The following PROKR1 variants were observed in gnomAD, a reference collection of about 807,000 sequenced individuals.
The protein encoded by PROKR1 is prokineticin receptor 1.
PROKR1 carries 21 observed loss-of-function variants against 22.8 expected under a neutral mutation model. The ratio of observed to expected loss-of-function variants is 0.92; its 90% CI spans 0.65 to 1.32. PROKR1 has a LOEUF of 1.32. PROKR1 is among the 40% of genes most tolerant of loss of function. PROKR1 has a pLI of 0.00. For synonymous variants in PROKR1, 193 were observed against 207.5 expected (o/e 0.93, Z 0.60); for missense variants, 548 against 514.2 (o/e 1.07, Z -0.64).
At chr2:68,645,281 A>G (rs1443368702) in intron 1 of PROKR1, among the ~76,000 whole-genome samples, 1 of 152,220 alleles carries the variant, frequency 6.6e-6, no homozygotes, top group Non-Finnish European at 1.5e-5. Context: ...TTTTAGAGCC[A>G]TGTTCTGCCA....
At position 68,655,667 on chromosome 2, in the gene PROKR1, T is replaced by C; in HGVS notation, c.*91T>C. On this transcript the variant is annotated 3_prime_UTR_variant, in exon 3 of 3. Transcript: ENST00000303786. ...ATGCACATCAACCTGGAACTTTTTGTTTGCTGCAGAGGGTAAAGTAAATGG... is the reference window on the plus strand; with the variant it reads ...ATGCACATCAACCTGGAACTTTTTGCTTGCTGCAGAGGGTAAAGTAAATGG... 2 of 1,297,662 alleles carry C rather than the reference T, an allele frequency of 1.5e-6. No individual in the cohort carries two copies. The highest frequency in any genetic ancestry group is 2.2e-6 in the Non-Finnish European group (2 of 921,510). 80.4% of individuals were successfully genotyped at this position (1,297,662 alleles called of 1,614,324 possible).
intron 1 of PROKR1, among the ~76,000 whole-genome samples, chr2:68,644,964 T>A (rs1433395262): frequency 6.6e-6 from 1 of 152,206 alleles, no homozygotes; most frequent in Non-Finnish European, 1.5e-5. Flanking sequence ...TTCTAGGGTG[T>A]AACACTCTCC....
Position 68,643,661 on chromosome 2 carries a change from C to G in PROKR1, c.-348C>G, listed in dbSNP as rs1411696250. The stretch of plus-strand genomic sequence containing the variant: ...CGGGGACAGGGAGTCCGGCGCGGGC[C>G]GGGTCGGGGGATCTGCAGCGGCGGC... On this transcript the variant is annotated 5_prime_UTR_variant, in exon 1 of 3. Coordinates refer to ENST00000303786, the MANE Select transcript of PROKR1 (RefSeq NM_138964.4). 6.6e-6 allele frequency: 1 copy of G among 152,298 alleles called. No homozygotes were observed. Among genetic ancestry groups the G allele is most frequent in the Non-Finnish European group, 1.5e-5 (1 of 68,098 alleles). The allele number at this position is 152,298 out of a possible 1,614,324, so 9.4% of individuals were successfully genotyped here. A position where few individuals can be genotyped will look rare whatever the true frequency, so the allele number is the denominator to read the frequency against.
At chr2:68,654,381 A>G (rs1673396542) in intron 2 of PROKR1, among the ~76,000 whole-genome samples, 1 of 152,222 alleles carries the variant, frequency 6.6e-6, no homozygotes, top group African/African-American at 2.4e-5. Flanking sequence ...ACAGCCAACA[A>G]TACTTGTGCA....
At chr2:68,647,792 C>G (rs1673222055) in intron 2 of PROKR1, among the ~76,000 whole-genome samples, 1 of 152,134 alleles carries the variant, frequency 6.6e-6, no homozygotes, top group African/African-American at 2.4e-5. Flanking sequence ...CAAATTCCCT[C>G]CACTGAATCA....
In PROKR1 at chr2:68,657,297, T is replaced by A. The variant is rs774051505; in HGVS notation, c.*1721T>A. ...GTGCGCCTGGACAAGAAAAACCTCT[T>A]ACTTTGGCTTGTGTATCCAGAAACC... is the stretch of plus-strand genomic sequence containing the variant. On this transcript the variant is annotated 3_prime_UTR_variant, in exon 3 of 3. Transcript: ENST00000303786. 6.6e-6 allele frequency: 1 copy of A among 152,238 alleles called. No homozygotes were observed. The highest frequency in any genetic ancestry group is 1.5e-5 in the Non-Finnish European group (1 of 68,050). The allele number at this position is 152,238 out of a possible 1,614,324, so 9.4% of individuals were successfully genotyped here. A position where few individuals can be genotyped will look rare whatever the true frequency, so the allele number is the denominator to read the frequency against.
chr2:68,648,301 G>A (rs1046524357), intron 2 of PROKR1, among the ~76,000 whole-genome samples: 3 of 152,220 alleles, frequency 2.0e-5, no homozygotes, highest in African/African-American at 7.2e-5. Context: ...CAATCAGTCA[G>A]TCTCCATCTA....
Position 68,655,159 on chromosome 2 carries a change from C to T in PROKR1, c.765C>T (p.Ile255=). The change falls in exon 3 of 3, where the codon ATC becomes ATT. Residue 255 remains isoleucine, a synonymous_variant. Transcript: ENST00000303786. The part of the protein sequence containing the change: ...VVTMTLCYAR[I]SRELWFKAVP... Reference sequence around the variant, plus strand: ...CCATGACCCTGTGCTATGCCAGGATCTCCCGGGAGCTCTGGTTCAAGGCGG... The same window carrying T: ...CCATGACCCTGTGCTATGCCAGGATTTCCCGGGAGCTCTGGTTCAAGGCGG... 6.2e-7 allele frequency: 1 copy of T among 1,614,248 alleles called. No individual in the cohort carries two copies. The highest frequency in any genetic ancestry group is 1.7e-5 in the Admixed American group (1 of 60,034).
chr2:68,644,615 G>T (rs1016340051), intron 1 of PROKR1, among the ~76,000 whole-genome samples: 1 of 152,136 alleles, frequency 6.6e-6, no homozygotes, highest in South Asian at 2.1e-4. Flanking sequence ...TGGGGTCCTG[G>T]GCATCTTCCT....
In PROKR1 at chr2:68,654,958, G is replaced by A. The variant is rs748841779; in HGVS notation, c.564G>A (p.Thr188=). 4.3e-6 allele frequency: 7 copies of A among 1,613,618 alleles called. No individual in the cohort carries two copies. In the East Asian group the frequency reaches 8.9e-5, roughly 21 times the overall value. Residue 188 remains threonine, a synonymous_variant, in exon 3 of 3, where the codon ACG becomes ACA. Transcript: ENST00000303786. ...CTGGCCTGATTGCCTTGGTGTGGACGGTGTCCATCCTGATCGCCATCCCTT... is the reference window on the plus strand; with the variant it reads ...CTGGCCTGATTGCCTTGGTGTGGACAGTGTCCATCCTGATCGCCATCCCTT... ...TATGLIALVW[T]VSILIAIPSA...
rs1220031196 is a variant in PROKR1, at chr2:68,646,169, C to T, written c.348C>T (p.Cys116=). The T allele has an allele frequency of 2.5e-6, 4 of 1,607,418 alleles. No individual in the cohort carries two copies. Among genetic ancestry groups the T allele is most frequent in the Non-Finnish European group, 3.4e-6 (4 of 1,175,966 alleles). Residue 116 remains cysteine, a synonymous_variant, in exon 2 of 3, where the codon TGC becomes TGT. Coordinates refer to ENST00000303786, the MANE Select transcript of PROKR1 (RefSeq NM_138964.4). ...ACTTCCTGGTGGCCATTGTCTGCTG[C>T]CCCTTTGAGATGGACTACTATGTGG... ...ISDFLVAIVC[C]PFEMDYYVVR... is the part of the protein sequence containing the mutation.
chr2:68,652,644 C>T (rs1673357047), intron 2 of PROKR1, among the ~76,000 whole-genome samples: 1 of 150,878 alleles, frequency 6.6e-6, no homozygotes. Context: ...GCTGTGTATA[C>T]AGAATAGCTC....
chr2:68,655,193 T>G lies in PROKR1; in HGVS notation c.799T>G (p.Phe267Val). 1 of 1,614,230 alleles carries G rather than the reference T, an allele frequency of 6.2e-7. No individual in the cohort carries two copies. The highest frequency in any genetic ancestry group is 8.5e-7 in the Non-Finnish European group (1 of 1,180,040). ...RELWFKAVPG[F>V]QTEQIRKRLR... ...GCTCTGGTTCAAGGCGGTCCCTGGA[T>G]TCCAGACAGAGCAGATCCGCAAGAG... Residue 267 changes from phenylalanine to valine, a missense_variant, in exon 3 of 3, where the codon TTC (phenylalanine) becomes GTC (valine). By Grantham distance (50) the Phe-to-Val change is conservative. Transcript: ENST00000303786.
chr2:68,656,041 C>A lies in PROKR1; in HGVS notation c.*465C>A. On this transcript the variant is annotated 3_prime_UTR_variant, in exon 3 of 3. Coordinates refer to ENST00000303786, the MANE Select transcript of PROKR1 (RefSeq NM_138964.4). ...GCAAGAATACGAAAGGGACTCTAGG[C>A]TCCTTCTGTAGCCCTTATCCTCTCA... is the stretch of plus-strand genomic sequence containing the variant. 1 of 259,970 alleles carries A rather than the reference C, an allele frequency of 3.8e-6. No homozygotes were observed. Among genetic ancestry groups the A allele is most frequent in the Non-Finnish European group, 7.5e-6 (1 of 133,422 alleles). 16.1% of individuals were successfully genotyped at this position (259,970 alleles called of 1,614,324 possible). A position where few individuals can be genotyped will look rare whatever the true frequency, so the allele number is the denominator to read the frequency against.
chr2:68,648,960 A>G (rs1673247942), intron 2 of PROKR1, among the ~76,000 whole-genome samples: 1 of 152,224 alleles, frequency 6.6e-6, no homozygotes, highest in South Asian at 2.1e-4. Context: ...TGAAATAAAT[A>G]TATTTAATTT....
intron 2 of PROKR1, among the ~76,000 whole-genome samples, chr2:68,651,498 C>A (rs1296986040): frequency 6.6e-6 from 1 of 152,184 alleles, no homozygotes; most frequent in East Asian, 1.9e-4. Context: ...TCTCTTTTAC[C>A]CAGAGTCCTG....
Position 68,655,692 on chromosome 2 carries a change from G to C in PROKR1, c.*116G>C. The C allele has an allele frequency of 1.0e-6, 1 of 975,764 alleles. No homozygotes were observed. The highest frequency in any genetic ancestry group is 1.4e-5 in the South Asian group (1 of 71,790). 60.4% of individuals were successfully genotyped at this position (975,764 alleles called of 1,614,324 possible). ...TTTGCTGCAGAGGGTAAAGTAAATG[G>C]ACCACTCTGTGAGCAATGTTTTCAA... On this transcript the variant is annotated 3_prime_UTR_variant, in exon 3 of 3. Coordinates refer to ENST00000303786, the MANE Select transcript of PROKR1 (RefSeq NM_138964.4).
rs1486306616 is a variant in PROKR1 at position 68,646,053 on chromosome 2, A to G, written c.232A>G (p.Ile78Val). The change falls in exon 2 of 3, where the codon ATT (isoleucine) becomes GTT (valine). Residue 78 changes from isoleucine to valine, a missense_variant. Transcript: ENST00000303786. Reference sequence around the variant, plus strand: ...GGTGGGCATCATGCTGGTCTGCGGCATTGGAAACTTCATCTTTATCGCTGC... The same window carrying G: ...GGTGGGCATCATGCTGGTCTGCGGCGTTGGAAACTTCATCTTTATCGCTGC... The part of the protein sequence containing the change: ...ALVGIMLVCG[I>V]GNFIFIAALV... The G allele has an allele frequency of 1.2e-6, 2 of 1,614,248 alleles. No individual in the cohort carries two copies. The highest frequency in any genetic ancestry group is 1.1e-5 in the South Asian group (1 of 91,086).
At position 68,655,486 on chromosome 2, in the gene PROKR1, T is replaced by G. The variant is rs927904787; in HGVS notation, c.1092T>G (p.Ser364=). The G allele has an allele frequency of 6.2e-7, 1 of 1,614,100 alleles. No individual in the cohort carries two copies. Among genetic ancestry groups the G allele is most frequent in the Admixed American group, 1.7e-5 (1 of 59,994 alleles). ...KKIMLLHWKA[S]YNGGKSSADL... is the part of the protein sequence containing the mutation. Reference sequence around the variant, plus strand: ...TCATGTTGCTCCACTGGAAGGCTTCTTACAATGGCGGTAAGTCCAGTGCAG... The same window carrying G: ...TCATGTTGCTCCACTGGAAGGCTTCGTACAATGGCGGTAAGTCCAGTGCAG... The change falls in exon 3 of 3, where the codon TCT becomes TCG. Residue 364 remains serine, a synonymous_variant. Transcript: ENST00000303786.
Sources: gnomAD v4.1 joint callset for allele counts (sites outside exome capture counted in the v4.1 genomes callset) on GRCh38, gnomAD v4.1.1 for gene constraint, MANE v1.5 for transcripts, NCBI Gene and HGNC (gene_info 2026-07-23, HGNC 2026-07-21) for gene names.